Variants in CTNND2 observed in about 807,000 individuals in gnomAD.
The protein encoded by CTNND2 is catenin delta-2.
Under a neutral mutation model 144.4 loss-of-function variants are expected in CTNND2, and 22 were observed. The ratio of observed to expected loss-of-function variants is 0.15; its 90% CI spans 0.11 to 0.22. The LOEUF (loss-of-function observed/expected upper bound fraction) is 0.22, where lower values mean the gene tolerates loss of function less well. Ranked by LOEUF, CTNND2 falls within the 10% of genes least tolerant of loss-of-function variation. The pLI, the probability that CTNND2 is intolerant of heterozygous loss-of-function variation, is 1.00. For synonymous variants in CTNND2, 751 were observed against 695.6 expected (o/e 1.08, Z -1.25); for missense variants, 1,353 against 1,618.8 (o/e 0.84, Z 2.82).
chr5:11,848,436 G>A (rs1036417514), intron 1 of CTNND2, among the ~76,000 whole-genome samples: 4 of 152,166 alleles, frequency 2.6e-5, no homozygotes, highest in Admixed American at 6.5e-5. Flanking sequence ...AATATAGTGC[G>A]TTTGATGTTG....
chr5:11,754,042 TTG>T (rs963910292), intron 1 of CTNND2, among the ~76,000 whole-genome samples: 46 of 151,810 alleles, frequency 3.0e-4, no homozygotes, highest in African/African-American at 1.0e-3. Flanking sequence ...TTATTTCCAA[TTG>T]TGTTTATTGG....
rs777134245 is a variant in CTNND2 at position 11,903,784 on chromosome 5, G to C, written c.37+33C>G. On this transcript the variant is annotated intron_variant, in intron 1 of 21. Transcript: ENST00000304623. The surrounding 1 kb of genome is among the most constrained non-coding windows in gnomAD (Gnocchi z 5.4). Reference sequence around the variant, plus strand: ...GAGGACGGCGCCGGGAGGAGGCTGCGCCCGGCCCCGGCCGCCCAGCCCCGC... The same window carrying C: ...GAGGACGGCGCCGGGAGGAGGCTGCCCCCGGCCCCGGCCGCCCAGCCCCGC... 33 of 1,474,388 alleles carry C rather than the reference G, an allele frequency of 2.2e-5. No homozygotes were observed. Among genetic ancestry groups the C allele is most frequent in the Non-Finnish European group, 2.9e-5 (32 of 1,119,640 alleles). 91.3% of individuals were successfully genotyped at this position (1,474,388 alleles called of 1,614,324 possible).
chr5:11,374,775 CT>C (rs56327510), intron 7 of CTNND2, among the ~76,000 whole-genome samples: 1,817 of 98,914 alleles, frequency 0.018, 6 homozygotes, highest in East Asian at 0.061. Context: ...TCCCAATCTA[CT>C]TTTTTTTTTT....
intron 8 of CTNND2, among the ~76,000 whole-genome samples, chr5:11,352,116 T>C (rs2149749488): frequency 6.6e-6 from 1 of 152,358 alleles, no homozygotes; most frequent in Non-Finnish European, 1.5e-5. Context: ...AAATTTAAAA[T>C]AATTGCATAC....
intron 2 of CTNND2, among the ~76,000 whole-genome samples, chr5:11,599,571 A>C (rs898370931): frequency 3.3e-5 from 5 of 152,152 alleles, no homozygotes; most frequent in African/African-American, 4.8e-5. Context: ...CATGACTGGC[A>C]AAGGATTTGG....
rs537740887 is a variant in CTNND2, at chr5:11,231,791, A to G, written c.1761+4900T>C. On this transcript the variant is annotated intron_variant, in intron 10 of 21. Coordinates refer to ENST00000304623, the MANE Select transcript of CTNND2 (RefSeq NM_001332.4). ...AACGTTAATCACCAAGACAATGGGA[A>G]AAATGTCTCCAGGGCATGTCATAGA... Among the ~76,000 whole-genome samples, 3 of 152,370 alleles carry G rather than the reference A, an allele frequency of 2.0e-5. No homozygotes were observed. The East Asian group carries it at 5.8e-4, about 29-fold the overall frequency.
In CTNND2 at chr5:11,898,891, A is replaced by G. The variant is rs147624420; in HGVS notation, c.37+4926T>C. On this transcript the variant is annotated intron_variant, in intron 1 of 21. Coordinates refer to ENST00000304623, the MANE Select transcript of CTNND2 (RefSeq NM_001332.4). ...CATTCTGAAACAAATTCCAAGATACATCGAATCGTAATTATCCTAAAAATT... is the reference window on the plus strand; with the variant it reads ...CATTCTGAAACAAATTCCAAGATACGTCGAATCGTAATTATCCTAAAAATT... 3.7e-3 allele frequency among the ~76,000 whole-genome samples: 571 copies of G among 152,304 alleles called. 1 individual carries two copies. The highest frequency in any genetic ancestry group is 6.1e-3 in the Non-Finnish European group (415 of 68,016).
intron 2 of CTNND2, among the ~76,000 whole-genome samples, chr5:11,659,395 A>T (rs1783070321): frequency 6.6e-6 from 1 of 152,146 alleles, no homozygotes; most frequent in Non-Finnish European, 1.5e-5. Context: ...CTGTATTCTT[A>T]ATATAGTATA....
At chr5:11,366,960 G>T (rs1258705714) in intron 7 of CTNND2, among the ~76,000 whole-genome samples, 2 of 152,190 alleles carry the variant, frequency 1.3e-5, no homozygotes, top group South Asian at 2.1e-4. Context: ...CAAGGAAGAA[G>T]AATCTTAAGG....
intron 11 of CTNND2, among the ~76,000 whole-genome samples, chr5:11,197,425 T>C (rs1001057182): frequency 1.3e-5 from 2 of 152,146 alleles, no homozygotes; most frequent in African/African-American, 4.8e-5. Flanking sequence ...CCCCAGCACA[T>C]GCTGATGAAA....
In CTNND2 at chr5:11,022,879, G is replaced by A. The variant is rs755277374; in HGVS notation, c.2889C>T (p.Val963=). The change falls in exon 17 of 22, where the codon GTC becomes GTT. Residue 963 remains valine (V), a synonymous_variant. Coordinates refer to ENST00000304623, the MANE Select transcript of CTNND2 (RefSeq NM_001332.4). ...TAATCACTTCGTGCAGTGTGCAGCA[G>A]ACAGCTGTCACTGTGTCATCCGACA... ...KAMSDDTVTA[V]CCTLHEVITK... is the part of the protein sequence containing the mutation. 6.2e-7 allele frequency: 1 copy of A among 1,614,194 alleles called. No homozygotes were observed.
At chr5:11,829,825 C>T (rs1307534362) in intron 1 of CTNND2, among the ~76,000 whole-genome samples, 1 of 152,176 alleles carries the variant, frequency 6.6e-6, no homozygotes, top group Non-Finnish European at 1.5e-5. Context: ...TGGTTTGCAC[C>T]ACACACCTCG....
At position 11,534,497 on chromosome 5, in the gene CTNND2, T is replaced by C. The variant is rs147956099; in HGVS notation, c.287+30447A>G. ...GCATGTGCCTGTAATCCTAGCTACT[T>C]GGGAGGCTGAGGCAGGAGAATCGCT... is the stretch of plus-strand genomic sequence containing the variant. On this transcript the variant is annotated intron_variant, in intron 3 of 21. Transcript: ENST00000304623. 5.9e-5 allele frequency among the ~76,000 whole-genome samples: 9 copies of C among 152,078 alleles called. No homozygotes were observed. In the East Asian group the frequency reaches 1.7e-3, roughly 30 times the overall value.
chr5:11,537,301 T>G (rs1581439001), intron 3 of CTNND2, among the ~76,000 whole-genome samples: 1 of 152,202 alleles, frequency 6.6e-6, no homozygotes, highest in East Asian at 1.9e-4. Flanking sequence ...TTCATAATCT[T>G]TATAATATTT....
At chr5:11,027,170 T>C (rs1414845887) in intron 16 of CTNND2, 1 of 152,192 alleles carries the variant, frequency 6.6e-6, no homozygotes, top group Non-Finnish European at 1.5e-5. Context: ...TCCACTATCA[T>C]GGACTCACAT....
At chr5:11,859,087 G>T (rs1795383212) in intron 1 of CTNND2, among the ~76,000 whole-genome samples, 1 of 152,180 alleles carries the variant, frequency 6.6e-6, no homozygotes, top group Non-Finnish European at 1.5e-5. Context: ...CAAGGCTAAT[G>T]GCTGGAATCA....
intron 3 of CTNND2, among the ~76,000 whole-genome samples, chr5:11,439,324 A>G (rs928246390): frequency 1.3e-5 from 2 of 152,104 alleles, no homozygotes; most frequent in African/African-American, 4.8e-5. Flanking sequence ...GGGAGAGGAG[A>G]TCCCTGTAGA....
At chr5:11,664,302 T>G (rs1783436182) in intron 2 of CTNND2, among the ~76,000 whole-genome samples, 1 of 152,152 alleles carries the variant, frequency 6.6e-6, no homozygotes, top group Admixed American at 6.6e-5. Flanking sequence ...ACTTAAAAAT[T>G]AAAATACAAG....
chr5:11,039,195 A>C (rs777503750), intron 16 of CTNND2, among the ~76,000 whole-genome samples: 2 of 152,204 alleles, frequency 1.3e-5, no homozygotes, highest in African/African-American at 4.8e-5. Context: ...AATCAACATC[A>C]TCTCTGACAT....
Sources: allele counts gnomAD v4.1 joint callset (sites outside exome capture counted in the v4.1 genomes callset), GRCh38; gene constraint gnomAD v4.1.1; non-coding constraint Gnocchi (gnomAD v3.1); transcripts MANE v1.5; gene names NCBI Gene and HGNC (gene_info 2026-07-23, HGNC 2026-07-21).